The following SBNO2 variants were observed in gnomAD, a reference collection of about 807,000 sequenced individuals.
The protein encoded by SBNO2 is protein strawberry notch homolog 2.
In SBNO2, 89 loss-of-function variants were observed where a neutral mutation model predicts 146.3. The ratio of observed to expected loss-of-function variants is 0.61; its 90% CI spans 0.51 to 0.73. SBNO2 has a LOEUF of 0.73. Among genes scored for constraint, SBNO2 ranks in the 30% least tolerant of loss-of-function variants. SBNO2 has a pLI of 0.00. For missense variants in SBNO2, 2,092 were observed against 2,003.7 expected, an observed-to-expected ratio of 1.04 and a Z score of -0.84; for synonymous variants, 1,147 against 892.6, an observed-to-expected ratio of 1.29 and a Z score of -5.08.
rs772020000 is a variant in SBNO2 at position 1,112,237 on chromosome 19, G to A, written c.2580C>T (p.Ala860=). The change falls in exon 22 of 32, where the codon GCC becomes GCT. Residue 860 remains alanine, a synonymous_variant. Transcript: ENST00000361757. This position sits in a 1 kb window ranked among gnomAD's most constrained non-coding sequence, Gnocchi z 5.9. ...CGATGGAGGCGAACCGGCGCTCCCC[G>A]GCCAGCTCCGAGATGAGGAAGACAT... The part of the protein sequence containing the change: ...PEYVFLISEL[A]GERRFASIVA... 27 of 1,591,476 alleles carry A rather than the reference G, an allele frequency of 1.7e-5. No homozygotes were observed. Among genetic ancestry groups the A allele is most frequent in the Non-Finnish European group, 2.1e-5 (25 of 1,169,522 alleles).
rs543235729 is a variant in SBNO2, at chr19:1,136,181, C to T, written c.280-8416G>A. Among the ~76,000 whole-genome samples the T allele has an allele frequency of 9.2e-5, 14 of 152,280 alleles. No individual in the cohort carries two copies. Among genetic ancestry groups the T allele is most frequent in the Non-Finnish European group, 1.8e-4 (12 of 68,014 alleles). On this transcript the variant is annotated intron_variant, in intron 4 of 31. Coordinates refer to ENST00000361757, the MANE Select transcript of SBNO2 (RefSeq NM_014963.3). This position sits in a 1 kb window ranked among gnomAD's most constrained non-coding sequence, Gnocchi z 4.2. ...CGGATCCCCCAGATGCTGGAGGGGC[C>T]GGAAGGAGCGCGGCCCTGTCCGCAC...
Position 1,133,236 on chromosome 19 carries a change from G to A in SBNO2, c.280-5471C>T, listed in dbSNP as rs539110816. Reference sequence around the variant, plus strand: ...GCATTGCCCACGAGACCGCGGCCGAGACCGCGCAGGTGGCCACGGCTCCTC... The same window carrying A: ...GCATTGCCCACGAGACCGCGGCCGAAACCGCGCAGGTGGCCACGGCTCCTC... On this transcript the variant is annotated intron_variant, in intron 4 of 31. Transcript: ENST00000361757. 3.1e-3 allele frequency among the ~76,000 whole-genome samples: 472 copies of A among 152,286 alleles called. 2 individuals are homozygous for A. Among genetic ancestry groups the A allele is most frequent in the African/African-American group, 0.01 (435 of 41,574 alleles).
At chr19:1,149,892 C>T (rs957733718) in intron 2 of SBNO2, among the ~76,000 whole-genome samples, 34 of 152,158 alleles carry the variant, frequency 2.2e-4, no homozygotes, top group Admixed American at 9.8e-4. Flanking sequence ...GGGGGCTCCT[C>T]GGGCAGGGCC....
intron 13 of SBNO2, 29 bp from the exon 14 acceptor site, chr19:1,119,193 C>G (rs762119423): frequency 1.6e-5 from 25 of 1,572,022 alleles, no homozygotes; most frequent in Non-Finnish European, 2.2e-5. Flanking sequence ...CCCGTGAGCA[C>G]GGCCAGAGCC....
rs1272084552 is a variant in SBNO2 at position 1,112,664 on chromosome 19, G to A, written c.2380-127C>T. ...GTCCCGGGGCAGCGAGAGGCCTGCG[G>A]GGCGCGGACACCACCCGCCACACGG... On this transcript the variant is annotated intron_variant, in intron 20 of 31. Transcript: ENST00000361757. This position sits in a 1 kb window ranked among gnomAD's most constrained non-coding sequence, Gnocchi z 5.9. 1 of 1,440,858 alleles carries A rather than the reference G, an allele frequency of 6.9e-7. No homozygotes were observed. The highest frequency in any genetic ancestry group is 9.2e-7 in the Non-Finnish European group (1 of 1,092,006). 89.3% of individuals were successfully genotyped at this position (1,440,858 alleles called of 1,614,324 possible). A position where few individuals can be genotyped will look rare whatever the true frequency, so the allele number is the denominator to read the frequency against.
chr19:1,113,070 G>C, intron 19 of SBNO2, 121 bp from the exon 20 acceptor site: 1 of 1,209,632 alleles, frequency 8.3e-7, no homozygotes, highest in Non-Finnish European at 1.1e-6. Context: ...GTGCACGGGA[G>C]GTGGGGGTGC....
chr19:1,168,356 G>A (rs975344103), intron 1 of SBNO2, among the ~76,000 whole-genome samples: 6 of 152,148 alleles, frequency 3.9e-5, no homozygotes, highest in African/African-American at 9.7e-5. Context: ...GGGCAACACC[G>A]ACAGCCATTC....
At position 1,150,419 on chromosome 19, in the gene SBNO2, G is replaced by A. The variant is rs1381576932; in HGVS notation, c.94-977C>T. ...CTGCACAGGGCCAACCTCACCTGCA[G>A]CAGAGAGACCCTGCCGTCACAGACG... On this transcript the variant is annotated intron_variant, in intron 2 of 31. Coordinates refer to ENST00000361757, the MANE Select transcript of SBNO2 (RefSeq NM_014963.3). This position sits in a 1 kb window ranked among gnomAD's most constrained non-coding sequence, Gnocchi z 6.2. 6.6e-6 allele frequency among the ~76,000 whole-genome samples: 1 copy of A among 151,922 alleles called. No homozygotes were observed. Among genetic ancestry groups the A allele is most frequent in the Non-Finnish European group, 1.5e-5 (1 of 67,968 alleles).
chr19:1,161,920 G>GGGGGGGGGGGT, intron 1 of SBNO2, among the ~76,000 whole-genome samples: 1 of 100,448 alleles, frequency 1.0e-5, no homozygotes, highest in Admixed American at 9.2e-5. Context: ...GGGGGGGGGG[G>GGGGGGGGGGGT]GGGGGTTGGG....
chr19:1,166,580 C>T (rs953866268), intron 1 of SBNO2, among the ~76,000 whole-genome samples: 2 of 151,172 alleles, frequency 1.3e-5, no homozygotes, highest in Non-Finnish European at 2.9e-5. Context: ...GAGGTGGAGA[C>T]CAGCCTGGGC....
rs748460000 is a variant in SBNO2, at chr19:1,112,326, C to T, written c.2516-25G>A. ...CCTGGGGGCAGAGCTGCTCTCAGGG[C>T]CCGGCCAGGCGGGGGCGGGGCCGAG... is the stretch of plus-strand genomic sequence containing the variant. On this transcript the variant is annotated intron_variant, in intron 21 of 31. Transcript: ENST00000361757. The surrounding 1 kb of genome is among the most constrained non-coding windows in gnomAD (Gnocchi z 5.9). 2 of 1,571,420 alleles carry T rather than the reference C, an allele frequency of 1.3e-6. No individual in the cohort carries two copies. The highest frequency in any genetic ancestry group is 1.3e-5 in the African/African-American group (1 of 74,212).
chr19:1,144,295 C>T lies in SBNO2; in HGVS notation c.279+3014G>A, dbSNP rs1222741636. ...ACGCGGCCCGGCCCACACTTGGCACCGGGGTCAGACTTCCTCCAAATGAAG... is the reference window on the plus strand; with the variant it reads ...ACGCGGCCCGGCCCACACTTGGCACTGGGGTCAGACTTCCTCCAAATGAAG... On this transcript the variant is annotated intron_variant, in intron 4 of 31. Transcript: ENST00000361757. This position sits in a 1 kb window ranked among gnomAD's most constrained non-coding sequence, Gnocchi z 4.1. Among the ~76,000 whole-genome samples the T allele has an allele frequency of 2.0e-5, 3 of 152,308 alleles. 1 individual carries two copies. The highest frequency in any genetic ancestry group is 1.3e-4 in the Admixed American group (2 of 15,298).
chr19:1,132,471 G>A (rs754143207), intron 4 of SBNO2, among the ~76,000 whole-genome samples: 2 of 152,236 alleles, frequency 1.3e-5, no homozygotes, highest in Non-Finnish European at 2.9e-5. Flanking sequence ...TGGGGCACCC[G>A]GCGGACGTGC....
intron 17 of SBNO2, among the ~76,000 whole-genome samples, chr19:1,114,912 C>T (rs998099610): frequency 6.6e-6 from 1 of 151,002 alleles, no homozygotes; most frequent in Non-Finnish European, 1.5e-5. Flanking sequence ...GGATTATAGG[C>T]GTGAACCACC....
At chr19:1,117,194 C>A (rs1395161039) in intron 15 of SBNO2, 129 bp downstream of exon 15, 3 of 953,776 alleles carry the variant, frequency 3.1e-6, no homozygotes, top group Admixed American at 2.8e-5. Flanking sequence ...GACATCCGGG[C>A]GTCTCTCACC....
intron 4 of SBNO2, among the ~76,000 whole-genome samples, chr19:1,142,110 C>CCCT (rs1555724955): frequency 9.2e-3 from 17 of 1,852 alleles, no homozygotes; most frequent in East Asian, 0.017. Flanking sequence ...TCAGTGACCT[C>CCCT]CCTCATGATC....
At chr19:1,151,872 A>T (rs1250625237) in intron 2 of SBNO2, among the ~76,000 whole-genome samples, 1 of 152,216 alleles carries the variant, frequency 6.6e-6, no homozygotes, top group Non-Finnish European at 1.5e-5. Context: ...CATGTTGGCC[A>T]GGCCGGTCTC....
At chr19:1,124,754 C>G (rs894745594) in intron 5 of SBNO2, among the ~76,000 whole-genome samples, 2 of 152,200 alleles carry the variant, frequency 1.3e-5, no homozygotes, top group African/African-American at 4.8e-5. Flanking sequence ...CCAGGGTGGG[C>G]AGTGACACTG....
At chr19:1,169,616 C>T (rs1284527207) in intron 1 of SBNO2, among the ~76,000 whole-genome samples, 1 of 152,170 alleles carries the variant, frequency 6.6e-6, no homozygotes, top group Non-Finnish European at 1.5e-5. Context: ...ATCACTGTTG[C>T]CGTCCTACGG....
Sources: allele counts gnomAD v4.1 joint callset (sites outside exome capture counted in the v4.1 genomes callset), GRCh38; gene constraint gnomAD v4.1.1; non-coding constraint Gnocchi (gnomAD v3.1); transcripts MANE v1.5; gene names NCBI Gene and HGNC (gene_info 2026-07-23, HGNC 2026-07-21).